The following DOCK1 variants were observed in gnomAD, a reference collection of about 807,000 sequenced individuals.
The protein encoded by DOCK1 is dedicator of cytokinesis protein 1.
DOCK1 carries 138 observed loss-of-function variants against 262.7 expected under a neutral mutation model. The observed-to-expected ratio is 0.53, with a 90% CI of 0.46 to 0.61. DOCK1 has a LOEUF of 0.61. Ranked by LOEUF, DOCK1 falls within the 20% of genes least tolerant of loss-of-function variation. The pLI is 0.00. For missense variants in DOCK1, 1,908 were observed against 2,370.7 expected (o/e 0.80, Z 4.05); for synonymous variants, 866 against 867.4 (o/e 1.00, Z 0.03).
intron 27 of DOCK1, among the ~76,000 whole-genome samples, chr10:127,180,399 A>G (rs1186804647): frequency 6.6e-6 from 1 of 152,206 alleles, no homozygotes; most frequent in African/African-American, 2.4e-5. Flanking sequence ...GCAGGAGTTC[A>G]TAAAGTTTAT....
chr10:127,265,354 A>G (rs2060316708), intron 29 of DOCK1, among the ~76,000 whole-genome samples: 1 of 152,018 alleles, frequency 6.6e-6, no homozygotes, highest in Middle Eastern at 3.4e-3. Flanking sequence ...TCATGTTGCT[A>G]TTTATTTCCA....
chr10:127,094,614 G>A (rs188370697), intron 23 of DOCK1, among the ~76,000 whole-genome samples: 43 of 152,250 alleles, frequency 2.8e-4, no homozygotes, highest in African/African-American at 9.6e-4. Context: ...AATATTCTGC[G>A]CCATTTTGCC....
At chr10:127,267,369 C>A (rs1361964418) in intron 29 of DOCK1, among the ~76,000 whole-genome samples, 1 of 152,224 alleles carries the variant, frequency 6.6e-6, no homozygotes, top group Non-Finnish European at 1.5e-5. Flanking sequence ...TGCTTAATAA[C>A]TAAAACAAAT....
intron 1 of DOCK1, among the ~76,000 whole-genome samples, chr10:126,938,946 G>C (rs1424847918): frequency 1.1e-5 from 1 of 88,654 alleles, no homozygotes; most frequent in Non-Finnish European, 2.1e-5. Context: ...GACGAACACT[G>C]GGGGGGCGAA....
chr10:127,348,952 T>A (rs1413122515), intron 31 of DOCK1, among the ~76,000 whole-genome samples: 1 of 152,142 alleles, frequency 6.6e-6, no homozygotes, highest in Admixed American at 6.5e-5. Context: ...CTGAAATTAT[T>A]CAAAATTAAA....
At chr10:127,239,547 T>C (rs1379389141) in intron 27 of DOCK1, among the ~76,000 whole-genome samples, 1 of 152,180 alleles carries the variant, frequency 6.6e-6, no homozygotes, top group African/African-American at 2.4e-5. Flanking sequence ...CCATTTTAGC[T>C]AAGAAAGAGT....
rs372580732 is a variant in DOCK1 at position 127,094,242 on chromosome 10, A to G, written c.2446-11989A>G. Among the ~76,000 whole-genome samples, 26 of 152,296 alleles carry G rather than the reference A, an allele frequency of 1.7e-4. No homozygotes were observed. The South Asian group carries it at 3.5e-3, about 21-fold the overall frequency. On this transcript the variant is annotated intron_variant, in intron 23 of 51. Transcript: ENST00000623213. ...ATCCCACATCTTAATAACTGTTACA[A>G]TGTCAATGTCGATTAAATTTCAACT...
chr10:126,987,680 A>G, intron 5 of DOCK1, 63 bp downstream of exon 5: 2 of 1,346,934 alleles, frequency 1.5e-6, no homozygotes, highest in Non-Finnish European at 2.0e-6. Context: ...TGACCCTGAT[A>G]TGCCAATGGG....
chr10:127,105,984 C>T (rs986121568), intron 23 of DOCK1, among the ~76,000 whole-genome samples: 7 of 152,208 alleles, frequency 4.6e-5, no homozygotes, highest in South Asian at 4.2e-4. Flanking sequence ...AGGCTGGTCT[C>T]GAACTCCTGA....
intron 27 of DOCK1, among the ~76,000 whole-genome samples, chr10:127,132,301 G>A (rs536214180): frequency 6.6e-6 from 1 of 151,934 alleles, no homozygotes; most frequent in Non-Finnish European, 1.5e-5. Flanking sequence ...ATGATCCGAA[G>A]TATTACATCC....
rs994364445 is a variant in DOCK1 at position 126,933,277 on chromosome 10, C to G, written c.46+27714C>G. On this transcript the variant is annotated intron_variant, in intron 1 of 51. Coordinates refer to ENST00000623213, the MANE Select transcript of DOCK1 (RefSeq NM_001290223.2). ...TGTGCTGTGTAGTAGATGCCTACAG[C>G]GGCAGCCTCTCCCAGTGGACACCTT... Among the ~76,000 whole-genome samples, 5 of 152,300 alleles carry G rather than the reference C, an allele frequency of 3.3e-5. No homozygotes were observed. The East Asian group carries it at 9.7e-4, about 29-fold the overall frequency.
At chr10:127,304,168 C>T (rs985537447) in intron 29 of DOCK1, among the ~76,000 whole-genome samples, 2 of 152,078 alleles carry the variant, frequency 1.3e-5, no homozygotes, top group African/African-American at 4.8e-5. Flanking sequence ...GCCAGGCCTA[C>T]AAGGCACACA....
Position 127,381,325 on chromosome 10 carries a change from C to T in DOCK1, c.3764C>T (p.Thr1255Ile). The T allele has an allele frequency of 6.2e-7, 1 of 1,613,222 alleles. No individual in the cohort carries two copies. The highest frequency in any genetic ancestry group is 8.5e-7 in the Non-Finnish European group (1 of 1,179,396). The change falls in exon 37 of 52, where the codon ACC becomes ATC. Residue 1255 changes from threonine (T) to isoleucine (I), a missense_variant. Thr to Ile is a moderately conservative substitution (Grantham distance 89). Around this residue, in one of 9 missense-constraint regions of DOCK1, gnomAD observed 267 missense variants for 366.3 expected, o/e 0.73. Transcript: ENST00000623213. Reference protein sequence around the residue: ...CDLHKECDNYTEAAYTLLLHA... With the variant: ...CDLHKECDNYIEAAYTLLLHA... ...CTGCACAAGGAGTGTGATAACTACA[C>T]CGAAGCGGCTTACACCTTGCTTCTC...
chr10:126,934,747 GTTTTTTTTTT>G (rs1166445414), intron 1 of DOCK1, among the ~76,000 whole-genome samples: 36 of 107,454 alleles, frequency 3.4e-4, no homozygotes, highest in East Asian at 6.2e-4. Context: ...GAATTTACGA[GTTTTTTTTTT>G]TTTTTTTTTT....
intron 23 of DOCK1, among the ~76,000 whole-genome samples, chr10:127,067,832 T>C (rs945088712): frequency 6.6e-6 from 1 of 152,114 alleles, no homozygotes; most frequent in African/African-American, 2.4e-5. Flanking sequence ...TTTCTTCCAT[T>C]GTCGTGTAGA....
chr10:127,383,765 G>A (rs1218061200), intron 37 of DOCK1, among the ~76,000 whole-genome samples: 1 of 152,188 alleles, frequency 6.6e-6, no homozygotes, highest in African/African-American at 2.4e-5. Flanking sequence ...TGAAAACAGG[G>A]TCAAGCTCCC....
chr10:127,220,867 A>G (rs1036919772), intron 27 of DOCK1, among the ~76,000 whole-genome samples: 1 of 152,200 alleles, frequency 6.6e-6, no homozygotes, highest in East Asian at 1.9e-4. Context: ...GTGCTGTTAA[A>G]TGGCCTCCAC....
chr10:127,166,914 C>G (rs1051327375), intron 27 of DOCK1, among the ~76,000 whole-genome samples: 1 of 151,912 alleles, frequency 6.6e-6, no homozygotes, highest in African/African-American at 2.4e-5. Context: ...TTTTATTCAC[C>G]TACCAACTTA....
chr10:127,441,745 T>TC (rs1219696665), intron 49 of DOCK1, among the ~76,000 whole-genome samples: 1 of 99,562 alleles, frequency 1.0e-5, no homozygotes, highest in Non-Finnish European at 2.0e-5. Flanking sequence ...CCTGCGGGCC[T>TC]CCCCTGCACC....
Sources: gnomAD v4.1 joint callset for allele counts (sites outside exome capture counted in the v4.1 genomes callset) on GRCh38, gnomAD v4.1.1 for gene constraint, gnomAD v4.1.1 regional missense constraint, MANE v1.5 for transcripts, NCBI Gene and HGNC (gene_info 2026-07-23, HGNC 2026-07-21) for gene names.